LAMB2: variants seen among roughly 807,000 people sequenced by gnomAD.
The protein encoded by LAMB2 is laminin subunit beta 2.
In LAMB2, 119 loss-of-function variants were observed where a neutral mutation model predicts 202.7. The ratio of observed to expected loss-of-function variants is 0.59; its 90% CI spans 0.51 to 0.68. The LOEUF (loss-of-function observed/expected upper bound fraction) is 0.68. LAMB2 is among the 30% of genes least tolerant of loss of function. The probability of loss-of-function intolerance (pLI) is 0.00; values close to 1 mark genes in which losing one functional copy is unlikely to be tolerated. For synonymous variants in LAMB2, 818 were observed against 902.2 expected (o/e 0.91, Z 1.67); for missense variants, 2,124 against 2,410.6 (o/e 0.88, Z 2.49).
chr3:49,121,991 G>A lies in LAMB2; in HGVS notation c.4876C>T (p.Arg1626Trp), dbSNP rs760301012. 1.2e-5 allele frequency: 19 copies of A among 1,613,846 alleles called. No homozygotes were observed. Among genetic ancestry groups the A allele is most frequent in the Middle Eastern group, 1.6e-4 (1 of 6,062 alleles). Residue 1626 changes from arginine to tryptophan, a missense_variant, in exon 29 of 32, where the codon CGG (arginine) becomes TGG (tryptophan). Transcript: ENST00000305544. The part of the protein sequence containing the change: ...RAQGIAQGAI[R>W]GAVADTRDTE... ...TCCCGTGTGTCAGCCACTGCCCCCCGGATGGCACCCTGGGCAATACCCTGT... is the reference window on the plus strand; with the variant it reads ...TCCCGTGTGTCAGCCACTGCCCCCCAGATGGCACCCTGGGCAATACCCTGT...
chr3:49,131,046 G>A lies in LAMB2; in HGVS notation c.819C>T (p.Ala273=). The A allele has an allele frequency of 2.5e-6, 4 of 1,613,928 alleles. No homozygotes were observed. Among genetic ancestry groups the A allele is most frequent in the Non-Finnish European group, 3.4e-6 (4 of 1,180,030 alleles). ...RREIREKYYY[A]LYELVVRGNC... is the part of the protein sequence containing the mutation. ...TGCCACGTACAACCAGCTCATAGAGGGCATAGTAGTACTTCTCTCGGATCT... is the reference window on the plus strand; with the variant it reads ...TGCCACGTACAACCAGCTCATAGAGAGCATAGTAGTACTTCTCTCGGATCT... Residue 273 remains alanine, a synonymous_variant, in exon 7 of 32, where the codon GCC becomes GCT. Coordinates refer to ENST00000305544, the MANE Select transcript of LAMB2 (RefSeq NM_002292.4). This position sits in a 1 kb window ranked among gnomAD's most constrained non-coding sequence, Gnocchi z 5.0.
chr3:49,124,174 C>A lies in LAMB2; in HGVS notation c.3424+16G>T, dbSNP rs1448367673. On this transcript the variant is annotated intron_variant, in intron 23 of 31. Coordinates refer to ENST00000305544, the MANE Select transcript of LAMB2 (RefSeq NM_002292.4). ...GGGAAGTCCTCCATCTACCCTGGCCCCGCTGGCTCCCTCACCATGGCACTG... is the reference window on the plus strand; with the variant it reads ...GGGAAGTCCTCCATCTACCCTGGCCACGCTGGCTCCCTCACCATGGCACTG... 1 of 1,614,170 alleles carries A rather than the reference C, an allele frequency of 6.2e-7. No individual in the cohort carries two copies. The highest frequency in any genetic ancestry group is 1.6e-4 in the Middle Eastern group (1 of 6,062).
rs140199337 is a variant in LAMB2 at position 49,124,420 on chromosome 3, C to T, written c.3302G>A (p.Arg1101Gln). 26 of 1,613,446 alleles carry T rather than the reference C, an allele frequency of 1.6e-5. No individual in the cohort carries two copies. Among genetic ancestry groups the T allele is most frequent in the Admixed American group, 8.3e-5 (5 of 60,000 alleles). Residue 1101 changes from arginine (R) to glutamine (Q), a missense_variant, in exon 22 of 32, where the codon CGG (arginine) becomes CAG (glutamine). This residue lies in a region of LAMB2 where 1,702 missense variants were observed against 1,896.3 expected (regional missense o/e 0.90). Coordinates refer to ENST00000305544, the MANE Select transcript of LAMB2 (RefSeq NM_002292.4). ...CTCGTTGCAGGTGGGGCCTCTGGCC[C>T]GGCTTGGGTGGCAGGCACAAGGCTG... Reference protein sequence around the residue: ...GCQPCACHPSRARGPTCNEFT... With the variant: ...GCQPCACHPSQARGPTCNEFT...
Position 49,129,799 on chromosome 3 carries a change from G to A in LAMB2, c.1405+40C>T. The stretch of plus-strand genomic sequence containing the variant: ...CTGAGTCAGGAGTAAGAGGACAGGG[G>A]TTAAAGGTCAGCATAGAAGTTAGGG... On this transcript the variant is annotated intron_variant, in intron 10 of 31. Transcript: ENST00000305544. The surrounding 1 kb of genome is among the most constrained non-coding windows in gnomAD (Gnocchi z 6.1). 1.2e-6 allele frequency: 2 copies of A among 1,612,692 alleles called. No homozygotes were observed. Among genetic ancestry groups the A allele is most frequent in the East Asian group, 4.5e-5 (2 of 44,874 alleles).
In LAMB2 at chr3:49,126,498, CT is replaced by C; in HGVS notation, c.2019-2del. The C allele has an allele frequency of 6.2e-7, 1 of 1,614,012 alleles. No individual in the cohort carries two copies. The highest frequency in any genetic ancestry group is 8.5e-7 in the Non-Finnish European group (1 of 1,180,024). On this transcript the variant is annotated splice_acceptor_variant, in intron 15 of 31. Transcript: ENST00000305544. LOFTEE classifies it high-confidence loss of function. ...GACAGGATTAGGAAATATCAAGTAC[CT>C]GGGGGCGAGTGGGGACAGGTGCAGT...
chr3:49,129,628 A>C lies in LAMB2; in HGVS notation c.1494T>G (p.Thr498=), dbSNP rs764761608. ...CCAGGCAGCGGTCACATCCACGTCC[A>C]GTCACTAGACGTTTGCAGTAACAGG... ...SGSCYCKRLV[T]GRGCDRCLPG... is the part of the protein sequence containing the mutation. The change falls in exon 11 of 32, where the codon ACT becomes ACG. Residue 498 remains threonine, a synonymous_variant. Coordinates refer to ENST00000305544, the MANE Select transcript of LAMB2 (RefSeq NM_002292.4). The surrounding 1 kb of genome is among the most constrained non-coding windows in gnomAD (Gnocchi z 6.1). 1 of 1,614,050 alleles carries C rather than the reference A, an allele frequency of 6.2e-7. No individual in the cohort carries two copies. The highest frequency in any genetic ancestry group is 1.3e-5 in the African/African-American group (1 of 75,054).
At position 49,124,324 on chromosome 3, in the gene LAMB2, G is replaced by A. The variant is rs2045386102; in HGVS notation, c.3328-38C>T. 5 of 1,613,526 alleles carry A rather than the reference G, an allele frequency of 3.1e-6. No homozygotes were observed. The South Asian group carries it at 5.5e-5, about 18-fold the overall frequency. On this transcript the variant is annotated intron_variant, in intron 22 of 31. Transcript: ENST00000305544. ...CAAGGCAGGGTCAGAGCCTCTATAA[G>A]AGGCTAAGCCCTGGAGATAAGACAG...
chr3:49,125,334 T>A lies in LAMB2; in HGVS notation c.2639A>T (p.Asn880Ile), dbSNP rs781619412. Residue 880 changes from asparagine to isoleucine, a missense_variant, in exon 19 of 32, where the codon AAT (asparagine) becomes ATT (isoleucine). By Grantham distance (149) the Asn-to-Ile change is moderately radical (BLOSUM62 -3). Transcript: ENST00000305544. ...GFPSCRPCVC[N>I]GHADECNTHT... ...GGTGTTGCACTCATCTGCATGCCCATTGCAGACACATGGCCGGCAGCTAGG... is the reference window on the plus strand; with the variant it reads ...GGTGTTGCACTCATCTGCATGCCCAATGCAGACACATGGCCGGCAGCTAGG... 6.2e-7 allele frequency: 1 copy of A among 1,613,970 alleles called. No homozygotes were observed. Among genetic ancestry groups the A allele is most frequent in the Non-Finnish European group, 8.5e-7 (1 of 1,180,046 alleles).
In LAMB2 at chr3:49,131,997, G is replaced by C. The variant is rs1433311852; in HGVS notation, c.459+119C>G. The stretch of plus-strand genomic sequence containing the variant: ...TGGAGGCAAATGGAAGGTGTGAAGG[G>C]ATGAAGGAGCCTCCTGCATCCATGC... On this transcript the variant is annotated intron_variant, in intron 4 of 31. Transcript: ENST00000305544. This position sits in a 1 kb window ranked among gnomAD's most constrained non-coding sequence, Gnocchi z 5.0. The C allele has an allele frequency of 2.3e-5, 24 of 1,028,690 alleles. No individual in the cohort carries two copies. The Admixed American group carries it at 3.9e-4, about 17-fold the overall frequency. The allele number at this position is 1,028,690 out of a possible 1,614,324, so 63.7% of individuals were successfully genotyped here.
At position 49,121,921 on chromosome 3, in the gene LAMB2, C is replaced by G. The variant is rs1389951494; in HGVS notation, c.4923+23G>C. The G allele has an allele frequency of 1.1e-5, 17 of 1,613,738 alleles. No individual in the cohort carries two copies. In the East Asian group the frequency reaches 3.8e-4, roughly 36 times the overall value. On this transcript the variant is annotated intron_variant, in intron 29 of 31. Transcript: ENST00000305544. ...GGTTCATGCCCATAACCTTGTCCCA[C>G]TGATGTCCTAGGAAGACCTCACCTG...
At position 49,122,020 on chromosome 3, in the gene LAMB2, C is replaced by T. The variant is rs2045293330; in HGVS notation, c.4847G>A (p.Arg1616Gln). 4 of 1,613,688 alleles carry T rather than the reference C, an allele frequency of 2.5e-6. No individual in the cohort carries two copies. The highest frequency in any genetic ancestry group is 1.6e-4 in the Middle Eastern group (1 of 6,084). Residue 1616 changes from arginine (R) to glutamine (Q), a missense_variant, in exon 29 of 32, where the codon CGG becomes CAG. By Grantham distance (43) the Arg-to-Gln change is conservative (BLOSUM62 1). Coordinates refer to ENST00000305544, the MANE Select transcript of LAMB2 (RefSeq NM_002292.4). ...GGCACCCTGGGCAATACCCTGTGCC[C>T]GCTGGGCCTCCTCCAGTGCTGCCTG... ...TVQAALEEAQ[R>Q]AQGIAQGAIR...
Position 49,129,907 on chromosome 3 carries a change from CCCA to C in LAMB2, c.1334_1336del (p.Val445del). ...ATCACGGCATTGCTGGCAGCGAGTGCCCACCACATGTTCTTTGCAGCGACACTG... is the reference window on the plus strand; with the variant it reads ...ATCACGGCATTGCTGGCAGCGAGTGCCCACATGTTCTTTGCAGCGACACTG... On this transcript the variant is annotated inframe_deletion, in exon 10 of 32. Transcript: ENST00000305544. This position sits in a 1 kb window ranked among gnomAD's most constrained non-coding sequence, Gnocchi z 6.1. 1.2e-6 allele frequency: 2 copies of C among 1,614,012 alleles called. No individual in the cohort carries two copies. The highest frequency in any genetic ancestry group is 1.7e-6 in the Non-Finnish European group (2 of 1,180,030).
chr3:49,121,692 C>T lies in LAMB2; in HGVS notation c.5092G>A (p.Ala1698Thr). 4.3e-6 allele frequency: 7 copies of T among 1,614,098 alleles called. No individual in the cohort carries two copies. Among genetic ancestry groups the T allele is most frequent in the Non-Finnish European group, 5.9e-6 (7 of 1,180,030 alleles). Reference protein sequence around the residue: ...AGSAQGRAQEAEQLLRGPLGD... With the variant: ...AGSAQGRAQETEQLLRGPLGD... ...GCTCTGCCTCAACCCACCTGCTCAGCCTCCTGGGCACGACCCTGGGCACTG... is the reference window on the plus strand; with the variant it reads ...GCTCTGCCTCAACCCACCTGCTCAGTCTCCTGGGCACGACCCTGGGCACTG... Residue 1698 changes from alanine to threonine, a missense_variant, in exon 30 of 32, where the codon GCT becomes ACT. By Grantham distance (58) the Ala-to-Thr change is moderately conservative. Coordinates refer to ENST00000305544, the MANE Select transcript of LAMB2 (RefSeq NM_002292.4).
rs1439507022 is a variant in LAMB2 at position 49,129,663 on chromosome 3, T to C, written c.1459A>G (p.Asn487Asp). Reference sequence around the variant, plus strand: ...CGTTTGCAGTAACAGGATCCACTGTTGGGGTCACAAGGAGTGCTCCCAGGC... The same window carrying C: ...CGTTTGCAGTAACAGGATCCACTGTCGGGGTCACAAGGAGTGCTCCCAGGC... Reference protein sequence around the residue: ...TVPGSTPCDPNSGSCYCKRLV... With the variant: ...TVPGSTPCDPDSGSCYCKRLV... The change falls in exon 11 of 32, where the codon AAC (asparagine) becomes GAC (aspartate). Residue 487 changes from asparagine to aspartate, a missense_variant. Asn to Asp is a conservative substitution (Grantham distance 23). Around this residue, in one of 3 missense-constraint regions of LAMB2, gnomAD observed 1,702 missense variants for 1,896.3 expected, o/e 0.90. Coordinates refer to ENST00000305544, the MANE Select transcript of LAMB2 (RefSeq NM_002292.4). This position sits in a 1 kb window ranked among gnomAD's most constrained non-coding sequence, Gnocchi z 6.1. The C allele has an allele frequency of 1.9e-6, 3 of 1,614,082 alleles. No individual in the cohort carries two copies. In the Admixed American group the frequency reaches 5.0e-5, roughly 27 times the overall value.
chr3:49,126,058 CT>C lies in LAMB2; in HGVS notation c.2252del (p.Glu751GlyfsTer41), dbSNP rs2045410664. On this transcript the variant is annotated frameshift_variant, in exon 17 of 32. Transcript: ENST00000305544. LOFTEE classifies it high-confidence loss of function. ...AAGTCTTGCTGGGCACCAGACCCTC[CT>C]CATGGCATTGGTAGCGTTCAAAGGT... ...QATFERYQCH[E>X]EGLVPSKTSP... 1 of 1,614,026 alleles carries C rather than the reference CT, an allele frequency of 6.2e-7. No individual in the cohort carries two copies. The highest frequency in any genetic ancestry group is 1.3e-5 in the African/African-American group (1 of 74,912).
At chr3:49,122,565 T>TA in intron 27 of LAMB2, 139 bp downstream of exon 27, 1 of 945,104 alleles carries the variant, frequency 1.1e-6, no homozygotes, top group South Asian at 1.3e-5. Context: ...ATATGGGCAA[T>TA]AACTCAGGAG....
rs1279272648 is a variant in LAMB2, at chr3:49,125,814, T to A, written c.2421A>T (p.Gly807=). The change falls in exon 18 of 32, where the codon GGA becomes GGT. Residue 807 remains glycine, a synonymous_variant. Coordinates refer to ENST00000305544, the MANE Select transcript of LAMB2 (RefSeq NM_002292.4). The part of the protein sequence containing the change: ...PHGGQCLCKP[G]VVGRRCDLCA... ...AGAGGTCACAGCGGCGCCCAACCACTCCAGGCTTGCACAGGCACTGACCAC... is the reference window on the plus strand; with the variant it reads ...AGAGGTCACAGCGGCGCCCAACCACACCAGGCTTGCACAGGCACTGACCAC... The A allele has an allele frequency of 3.7e-6, 6 of 1,613,834 alleles. No homozygotes were observed.
chr3:49,129,047 A>G lies in LAMB2; in HGVS notation c.1704T>C (p.Ile568=). 2 of 1,612,184 alleles carry G rather than the reference A, an allele frequency of 1.2e-6. No homozygotes were observed. The highest frequency in any genetic ancestry group is 1.7e-6 in the Non-Finnish European group (2 of 1,180,016). ...GYFRPFLDHL[I]WEAEDTRGQV... ...GCCCTCGGGTGTCCTCAGCCTCCCAAATTAGGTGGTCCAGGAAGGGCCGGA... is the reference window on the plus strand; with the variant it reads ...GCCCTCGGGTGTCCTCAGCCTCCCAGATTAGGTGGTCCAGGAAGGGCCGGA... Residue 568 remains isoleucine (I), a synonymous_variant, in exon 13 of 32, where the codon ATT becomes ATC. Transcript: ENST00000305544. This position sits in a 1 kb window ranked among gnomAD's most constrained non-coding sequence, Gnocchi z 6.1.
rs753602785 is a variant in LAMB2, at chr3:49,123,897, G to A, written c.3628C>T (p.Arg1210Cys). The change falls in exon 24 of 32, where the codon CGC (arginine) becomes TGC (cysteine). Residue 1210 changes from arginine to cysteine, a missense_variant. Around this residue, in one of 3 missense-constraint regions of LAMB2, gnomAD observed 1,702 missense variants for 1,896.3 expected, o/e 0.90. Coordinates refer to ENST00000305544, the MANE Select transcript of LAMB2 (RefSeq NM_002292.4). The part of the protein sequence containing the change: ...VVQDLAARTQ[R>C]LEQRAQELQQ... ...AACTCCTGCGCCCGCTGCTCTAGGCGCTGTGTACGGGCTGCCAAGTCCTGC... is the reference window on the plus strand; with the variant it reads ...AACTCCTGCGCCCGCTGCTCTAGGCACTGTGTACGGGCTGCCAAGTCCTGC... The A allele has an allele frequency of 3.7e-5, 59 of 1,613,216 alleles. No individual in the cohort carries two copies. Among genetic ancestry groups the A allele is most frequent in the East Asian group, 2.5e-4 (11 of 44,896 alleles).
Sources: gnomAD v4.1 joint callset for allele counts on GRCh38, gnomAD v4.1.1 for gene constraint, gnomAD v4.1.1 regional missense constraint, Gnocchi (gnomAD v3.1) non-coding constraint, MANE v1.5 for transcripts, NCBI Gene and HGNC (gene_info 2026-07-23, HGNC 2026-07-21) for gene names.